PIGT: variants seen among roughly 807,000 people sequenced by gnomAD.
PIGT encodes the protein phosphatidylinositol glycan anchor biosynthesis class T, also known as GPI-anchor transamidase component PIGT.
Under a neutral mutation model 66.7 loss-of-function variants are expected in PIGT, and 57 were observed. That is an observed-to-expected ratio of 0.86 (90% confidence interval 0.69 to 1.07). PIGT has a LOEUF of 1.07. Among genes scored for constraint, PIGT ranks in the 50% least tolerant of loss-of-function variants. The probability of loss-of-function intolerance (pLI) is 0.00; values close to 1 mark genes in which losing one functional copy is unlikely to be tolerated. For synonymous variants in PIGT, 362 were observed against 320.5 expected (o/e 1.13, Z -1.38); for missense variants, 725 against 740.4 (o/e 0.98, Z 0.24).
At position 45,425,769 on chromosome 20, in the gene PIGT, C is replaced by G. The variant is rs1990710773; in HGVS notation, c.1680C>G (p.Gly560=). 3 of 1,613,942 alleles carry G rather than the reference C, an allele frequency of 1.9e-6. No homozygotes were observed. The Admixed American group carries it at 5.0e-5, about 27-fold the overall frequency. ...TFHIEEPRTG[G]LAKRLANLIR... ...ACATCGAGGAGCCCCGCACAGGTGG[C>G]CTGGCCAAGCGGCTGGCCAACCTTA... The change falls in exon 12 of 12, where the codon GGC becomes GGG. Residue 560 remains glycine (G), a synonymous_variant. Transcript: ENST00000279036.
At position 45,418,941 on chromosome 20, in the gene PIGT, C is replaced by G; in HGVS notation, c.455C>G (p.Thr152Ser). The change falls in exon 3 of 12, where the codon ACT becomes AGT. Residue 152 changes from threonine to serine, a missense_variant. Thr to Ser is a moderately conservative substitution (Grantham distance 58). This residue lies in a region of PIGT where 559 missense variants were observed against 552.7 expected (regional missense o/e 1.01). Transcript: ENST00000279036. Reference protein sequence around the residue: ...LNFIDSTNTVTPTASFKPLGL... With the variant: ...LNFIDSTNTVSPTASFKPLGL... ...TTCATCGACTCCACCAACACAGTCA[C>G]TCCCACTGCCTCCTTCAAACCCCTG... The G allele has an allele frequency of 1.9e-6, 3 of 1,614,146 alleles. No homozygotes were observed. Among genetic ancestry groups the G allele is most frequent in the Non-Finnish European group, 2.5e-6 (3 of 1,179,990 alleles).
At position 45,416,500 on chromosome 20, in the gene PIGT, T is replaced by C. The variant is rs1175566647; in HGVS notation, c.188-17T>C. The C allele has an allele frequency of 1.2e-6, 2 of 1,611,910 alleles. No individual in the cohort carries two copies. Among genetic ancestry groups the C allele is most frequent in the Admixed American group, 3.3e-5 (2 of 59,858 alleles). ...GACGAGGTGGGGATCGTCACTCACC[T>C]GCTCCCGTTTCCCCAGTGTCCCATT... On this transcript the variant is annotated splice_polypyrimidine_tract_variant and intron_variant, in intron 1 of 11. Transcript: ENST00000279036.
Position 45,425,909 on chromosome 20 carries a change from C to G in PIGT, c.*83C>G. 1.3e-6 allele frequency: 2 copies of G among 1,503,126 alleles called. No homozygotes were observed. Among genetic ancestry groups the G allele is most frequent in the South Asian group, 2.6e-5 (2 of 76,966 alleles). 93.1% of individuals were successfully genotyped at this position (1,503,126 alleles called of 1,614,324 possible). ...GGCTGTTTCTGCCACTTGCTCTCCT[C>G]AGAGTTGGCTTTTGAACCAAAGTGC... On this transcript the variant is annotated 3_prime_UTR_variant, in exon 12 of 12. Transcript: ENST00000279036.
chr20:45,422,452 T>A (rs1436801371), intron 9 of PIGT: 1 of 152,066 alleles, frequency 6.6e-6, no homozygotes, highest in East Asian at 1.9e-4. Context: ...CAGCCTTTTT[T>A]TTTTTTTTTT....
intron 7 of PIGT, 21 bp downstream of exon 7, chr20:45,420,450 A>G: frequency 6.2e-7 from 1 of 1,610,520 alleles, no homozygotes. Flanking sequence ...CTCCAGCCAC[A>G]CACACAAACA....
intron 2 of PIGT, chr20:45,417,665 G>A (rs1600803924): frequency 6.6e-6 from 1 of 152,228 alleles, no homozygotes; most frequent in Non-Finnish European, 1.5e-5. Flanking sequence ...GGAATTTAAT[G>A]TGAAAATTGG....
chr20:45,419,127 C>A, intron 3 of PIGT, 148 bp downstream of exon 3: 1 of 1,132,928 alleles, frequency 8.8e-7, no homozygotes, highest in Non-Finnish European at 1.3e-6. Flanking sequence ...GCCATCTCTG[C>A]ATGCCTTTTC....
intron 8 of PIGT, chr20:45,421,133 A>G: frequency 1.8e-6 from 1 of 561,020 alleles, no homozygotes; most frequent in East Asian, 2.9e-5. Context: ...TCCTGAGAGG[A>G]CCTGGATTGG....
At chr20:45,419,016 T>TA (rs1398316443) in intron 3 of PIGT, 37 bp downstream of exon 3, 1 of 1,613,418 alleles carries the variant, frequency 6.2e-7, no homozygotes, top group Non-Finnish European at 8.5e-7. Flanking sequence ...TTCTTCCTCT[T>TA]ACCTCCTGCC....
At chr20:45,418,706 A>G in intron 2 of PIGT, 146 bp from the exon 3 acceptor site, 1 of 962,388 alleles carries the variant, frequency 1.0e-6, no homozygotes, top group Non-Finnish European at 1.6e-6. Flanking sequence ...GGCTGGGGGC[A>G]GCAATGTTCC....
At chr20:45,425,199 C>CT (rs1368402190) in intron 11 of PIGT, 5 of 121,978 alleles carry the variant, frequency 4.1e-5, no homozygotes, top group African/African-American at 1.6e-4. Context: ...TTCTTTCTTT[C>CT]TTTCTTTCTC....
rs745940847 is a variant in PIGT, at chr20:45,416,233, C to T, written c.77C>T (p.Pro26Leu). 9 of 1,597,044 alleles carry T rather than the reference C, an allele frequency of 5.6e-6. No individual in the cohort carries two copies. The highest frequency in any genetic ancestry group is 7.7e-6 in the Non-Finnish European group (9 of 1,172,344). ...GGCGGCTGGTGCCTTGCAGAACCCC[C>T]ACGCGACAGCCTGCGGGAGGAACTT... is the stretch of plus-strand genomic sequence containing the variant. ...GPGGWCLAEPPRDSLREELVI... is the reference protein window; with the variant it reads ...GPGGWCLAEPLRDSLREELVI... Residue 26 changes from proline (P) to leucine (L), a missense_variant, in exon 1 of 12, where the codon CCA becomes CTA. Pro to Leu is a moderately conservative substitution (Grantham distance 98). This residue lies in a region of PIGT where 559 missense variants were observed against 552.7 expected (regional missense o/e 1.01). Coordinates refer to ENST00000279036, the MANE Select transcript of PIGT (RefSeq NM_015937.6).
chr20:45,421,681 CT>C, intron 9 of PIGT, 98 bp downstream of exon 9: 2 of 935,832 alleles, frequency 2.1e-6, no homozygotes, highest in Non-Finnish European at 3.3e-6. Context: ...CCTGAAGTAC[CT>C]CTGAAAAGCT....
chr20:45,416,367 G>A lies in PIGT; in HGVS notation c.187+24G>A, dbSNP rs185531571. The A allele has an allele frequency of 1.2e-3, 1,841 of 1,564,024 alleles. 23 individuals are homozygous for A. In the African/African-American group the frequency reaches 0.023, roughly 20 times the overall value. On this transcript the variant is annotated intron_variant, in intron 1 of 11. Coordinates refer to ENST00000279036, the MANE Select transcript of PIGT (RefSeq NM_015937.6). ...AGGTGAGGGCGCGAGATCTGACCAGGGAAAGATTTCCGTAGTGCCTGCTGG... is the reference window on the plus strand; with the variant it reads ...AGGTGAGGGCGCGAGATCTGACCAGAGAAAGATTTCCGTAGTGCCTGCTGG...
In PIGT at chr20:45,418,903, C is replaced by T. The variant is rs150090118; in HGVS notation, c.417C>T (p.Cys139=). 42 of 1,613,904 alleles carry T rather than the reference C, an allele frequency of 2.6e-5. 1 individual carries two copies. In the East Asian group the frequency reaches 4.7e-4, roughly 18 times the overall value. ...GTAATGTCCTCTCAGGGATCTTCTGCGCCTCTCTCAACTTCATCGACTCCA... is the reference window on the plus strand; with the variant it reads ...GTAATGTCCTCTCAGGGATCTTCTGTGCCTCTCTCAACTTCATCGACTCCA... ...ELSNVLSGIF[C]ASLNFIDSTN... Residue 139 remains cysteine, a synonymous_variant, in exon 3 of 12, where the codon TGC becomes TGT. Transcript: ENST00000279036.
intron 1 of PIGT, 55 bp downstream of exon 1, chr20:45,416,398 C>T: frequency 6.5e-7 from 1 of 1,549,092 alleles, no homozygotes; most frequent in Non-Finnish European, 8.7e-7. Flanking sequence ...GCTGGCTGGC[C>T]GGCCGTGGGA....
At chr20:45,418,796 G>C in intron 2 of PIGT, 56 bp from the exon 3 acceptor site, 1 of 1,608,636 alleles carries the variant, frequency 6.2e-7, no homozygotes, top group East Asian at 2.2e-5. Context: ...TGTGGACTTT[G>C]AAAGAGGGAG....
At chr20:45,422,370 A>C (rs1990420484) in intron 9 of PIGT, 1 of 151,904 alleles carries the variant, frequency 6.6e-6, no homozygotes. Context: ...TATTCTTTTA[A>C]ATCTTCTCCT....
At chr20:45,424,650 T>C (rs548004335) in intron 11 of PIGT, 71 bp downstream of exon 11, 18 of 1,172,590 alleles carry the variant, frequency 1.5e-5, no homozygotes, top group African/African-American at 3.0e-5. Context: ...GTGACCAGGC[T>C]CCTGCAGGGG....
Sources: gnomAD v4.1 joint callset for allele counts on GRCh38, gnomAD v4.1.1 for gene constraint, gnomAD v4.1.1 regional missense constraint, MANE v1.5 for transcripts, NCBI Gene and HGNC (gene_info 2026-07-23, HGNC 2026-07-21) for gene names.